SLC7A1: variants seen among roughly 807,000 people sequenced by gnomAD.
SLC7A1 encodes the protein solute carrier family 7 member 1.
A neutral mutation model predicts 53.9 loss-of-function variants in SLC7A1; 10 were observed. The observed-to-expected ratio is 0.19, with a 90% CI of 0.11 to 0.31. The LOEUF is 0.31. SLC7A1 is among the 10% of genes least tolerant of loss of function. The probability of loss-of-function intolerance (pLI) is 1.00; values close to 1 mark genes in which losing one functional copy is unlikely to be tolerated. For synonymous variants in SLC7A1, 342 were observed against 338.7 expected (o/e 1.01, Z -0.11); for missense variants, 525 against 827.2 (o/e 0.63, Z 4.48).
intron 2 of SLC7A1, among the ~76,000 whole-genome samples, chr13:29,545,317 C>A (rs1454573677): frequency 6.6e-6 from 1 of 152,176 alleles, no homozygotes; most frequent in Non-Finnish European, 1.5e-5. Context: ...CTCTGCCCAC[C>A]CCCTTCACCC....
At chr13:29,564,125 G>C (rs1870874600) in intron 1 of SLC7A1, among the ~76,000 whole-genome samples, 1 of 152,126 alleles carries the variant, frequency 6.6e-6, no homozygotes, top group South Asian at 2.1e-4. Flanking sequence ...TGGAGGAAGG[G>C]GTGGTCTGGA....
chr13:29,523,523 C>T (rs759043757), intron 6 of SLC7A1, 35 bp from the exon 7 acceptor site: 105 of 1,483,282 alleles, frequency 7.1e-5, no homozygotes, highest in Non-Finnish European at 8.9e-5. Flanking sequence ...GGAGGGCACA[C>T]AGCAAGAGGC....
chr13:29,586,341 C>A (rs1207049956), intron 1 of SLC7A1, among the ~76,000 whole-genome samples: 1 of 152,228 alleles, frequency 6.6e-6, no homozygotes, highest in African/African-American at 2.4e-5. Flanking sequence ...TAAGAATAGT[C>A]ATTCAATAAA....
chr13:29,591,939 C>G (rs1872129015), intron 1 of SLC7A1, among the ~76,000 whole-genome samples: 1 of 152,184 alleles, frequency 6.6e-6, no homozygotes, highest in Non-Finnish European at 1.5e-5. Flanking sequence ...TTGATTCTTT[C>G]AAAGAACACT....
chr13:29,555,357 CAAAAAA>C (rs538934310), intron 1 of SLC7A1, among the ~76,000 whole-genome samples: 14 of 18,780 alleles, frequency 7.5e-4, no homozygotes, highest in African/African-American at 1.6e-3. Context: ...GACTCCGTCT[CAAAAAA>C]AAAAAAAAAA....
chr13:29,532,615 A>G (rs545513509), intron 4 of SLC7A1, among the ~76,000 whole-genome samples: 106 of 152,366 alleles, frequency 7.0e-4, no homozygotes, highest in Non-Finnish European at 1.3e-3. Flanking sequence ...ACAATTCAAC[A>G]GCTATGAAGC....
chr13:29,554,586 A>C (rs1870349735), intron 1 of SLC7A1, among the ~76,000 whole-genome samples: 1 of 152,174 alleles, frequency 6.6e-6, no homozygotes, highest in Admixed American at 6.5e-5. Flanking sequence ...TTGTTTTCTA[A>C]ATCTTACCAT....
chr13:29,556,964 A>G (rs757694445), intron 1 of SLC7A1, among the ~76,000 whole-genome samples: 1 of 152,258 alleles, frequency 6.6e-6, no homozygotes, highest in East Asian at 1.9e-4. Context: ...AGTTCATGCT[A>G]AACTTAAAAG....
chr13:29,553,181 A>G (rs1870280349), intron 2 of SLC7A1, among the ~76,000 whole-genome samples: 1 of 152,250 alleles, frequency 6.6e-6, no homozygotes, highest in Non-Finnish European at 1.5e-5. Flanking sequence ...AAAGAGGAGT[A>G]AGGAGAAGAG....
intron 5 of SLC7A1, among the ~76,000 whole-genome samples, chr13:29,525,822 C>T (rs1276789466): frequency 2.0e-5 from 3 of 152,160 alleles, no homozygotes; most frequent in Non-Finnish European, 2.9e-5. Context: ...AACTAGCAAC[C>T]CAAGTTCAAA....
intron 8 of SLC7A1, 63 bp from the exon 9 acceptor site, chr13:29,519,612 A>C: frequency 5.9e-6 from 6 of 1,021,814 alleles, no homozygotes; most frequent in Non-Finnish European, 9.1e-6. Flanking sequence ...AACCAGGACC[A>C]CCACTGCCGC....
chr13:29,544,116 C>A lies in SLC7A1; in HGVS notation c.-14-7914G>T, dbSNP rs77539413. Among the ~76,000 whole-genome samples the A allele has an allele frequency of 4.0e-4, 61 of 152,282 alleles. 1 individual carries two copies. The East Asian group carries it at 0.011, about 27-fold the overall frequency. On this transcript the variant is annotated intron_variant, in intron 2 of 12. Transcript: ENST00000380752. The stretch of plus-strand genomic sequence containing the variant: ...AACAAATAAACAAATAACCCACAGG[C>A]CGAAAGTAGACAATGCTGTCTCAGG...
At chr13:29,573,266 T>C (rs1057123769) in intron 1 of SLC7A1, among the ~76,000 whole-genome samples, 12 of 152,108 alleles carry the variant, frequency 7.9e-5, no homozygotes, top group East Asian at 7.7e-4. Context: ...ACAGAACAGA[T>C]AGAACTATCT....
intron 1 of SLC7A1, among the ~76,000 whole-genome samples, chr13:29,593,917 T>TA (rs781185806): frequency 6.1e-4 from 93 of 152,388 alleles, no homozygotes; most frequent in Non-Finnish European, 1.2e-3. Flanking sequence ...TTTACCTTTA[T>TA]AATAATTAAA....
rs764879001 is a variant in SLC7A1, at chr13:29,519,543, A to T, written c.1196T>A (p.Met399Lys). 1 of 1,606,834 alleles carries T rather than the reference A, an allele frequency of 6.2e-7. No individual in the cohort carries two copies. Among genetic ancestry groups the T allele is most frequent in the Non-Finnish European group, 8.5e-7 (1 of 1,173,914 alleles). Residue 399 changes from methionine to lysine, a missense_variant, in exon 9 of 13, where the codon ATG (methionine) becomes AAG (lysine). By Grantham distance (95) the Met-to-Lys change is moderately conservative. Coordinates refer to ENST00000380752, the MANE Select transcript of SLC7A1 (RefSeq NM_003045.5). ...GTCCTTCAGGTCAAAGAGGAAGGCC[A>T]TCACAGCTGGGAAGAGACAGACACC... is the stretch of plus-strand genomic sequence containing the variant. ...TLASGAVAAV[M>K]AFLFDLKDLV...
intron 6 of SLC7A1, among the ~76,000 whole-genome samples, 191 bp from the exon 7 acceptor site, chr13:29,523,679 A>G (rs1361019951): frequency 2.0e-5 from 3 of 152,182 alleles, no homozygotes; most frequent in South Asian, 2.1e-4. Flanking sequence ...TCAGGAAGAC[A>G]CATCAGACAG....
chr13:29,578,045 C>A (rs1175233022), intron 1 of SLC7A1, among the ~76,000 whole-genome samples: 3 of 152,144 alleles, frequency 2.0e-5, no homozygotes, highest in Admixed American at 1.3e-4. Flanking sequence ...GAGCTGGTCA[C>A]TAAGTCCGTG....
intron 1 of SLC7A1, among the ~76,000 whole-genome samples, chr13:29,588,371 T>C (rs568699743): frequency 5.1e-4 from 77 of 152,120 alleles, no homozygotes; most frequent in African/African-American, 1.8e-3. Context: ...CAGAAAAAAA[T>C]GTATGTGTCT....
At position 29,523,508 on chromosome 13, in the gene SLC7A1, G is replaced by A. The variant is rs1307698074; in HGVS notation, c.827-20C>T. On this transcript the variant is annotated intron_variant, in intron 6 of 12. Transcript: ENST00000380752. ...CTTCACCTAGAAGCACAAGGGGTCAGCGGAGGAGGGCACACAGCAAGAGGC... is the reference window on the plus strand; with the variant it reads ...CTTCACCTAGAAGCACAAGGGGTCAACGGAGGAGGGCACACAGCAAGAGGC... 1.3e-6 allele frequency: 2 copies of A among 1,564,040 alleles called. No individual in the cohort carries two copies. Among genetic ancestry groups the A allele is most frequent in the Non-Finnish European group, 1.8e-6 (2 of 1,135,598 alleles).
Sources: gnomAD v4.1 joint callset for allele counts (sites outside exome capture counted in the v4.1 genomes callset) on GRCh38, gnomAD v4.1.1 for gene constraint, MANE v1.5 for transcripts, NCBI Gene and HGNC (gene_info 2026-07-23, HGNC 2026-07-21) for gene names.